SLC14A2: variants seen among roughly 807,000 people sequenced by gnomAD.
The protein encoded by SLC14A2 is urea transporter 2.
SLC14A2 carries 91 observed loss-of-function variants against 104.6 expected under a neutral mutation model. The ratio of observed to expected loss-of-function variants is 0.87; its 90% CI spans 0.73 to 1.04. SLC14A2 has a LOEUF of 1.04. Among genes scored for constraint, SLC14A2 ranks in the 50% least tolerant of loss-of-function variants. The pLI is 0.00. For missense variants in SLC14A2, 1,189 were observed against 1,156.0 expected (o/e 1.03, Z -0.41); for synonymous variants, 476 against 466.4 (o/e 1.02, Z -0.27).
chr18:45,478,105 C>T (rs186458112), intron 1 of SLC14A2, among the ~76,000 whole-genome samples: 16 of 152,204 alleles, frequency 1.1e-4, no homozygotes, highest in African/African-American at 3.4e-4. Context: ...ACCCAGGGCC[C>T]CGGTGGTGTA....
intron 1 of SLC14A2, among the ~76,000 whole-genome samples, chr18:45,228,976 T>C (rs1431048234): frequency 2.0e-5 from 3 of 152,182 alleles, no homozygotes; most frequent in Admixed American, 6.5e-5. Context: ...CTACAACCAT[T>C]GCCATCTGTC....
intron 18 of SLC14A2, 122 bp from the exon 19 acceptor site, chr18:45,678,853 T>A (rs1032272614): frequency 5.5e-6 from 5 of 906,774 alleles, no homozygotes; most frequent in South Asian, 1.9e-5. Flanking sequence ...CTCAAATTTT[T>A]AAAAAATCTT....
intron 2 of SLC14A2, among the ~76,000 whole-genome samples, chr18:45,580,154 G>A (rs2044468612): frequency 6.6e-6 from 1 of 152,206 alleles, no homozygotes; most frequent in Non-Finnish European, 1.5e-5. Context: ...CAGCAGGCAA[G>A]GTTTTGATTG....
At chr18:45,286,331 C>T (rs2084814307) in intron 1 of SLC14A2, among the ~76,000 whole-genome samples, 1 of 152,238 alleles carries the variant, frequency 6.6e-6, no homozygotes, top group African/African-American at 2.4e-5. Context: ...AATGTAGTCT[C>T]TGCCACCTTC....
chr18:45,668,400 G>A lies in SLC14A2; in HGVS notation c.1959G>A (p.Leu653=). The A allele has an allele frequency of 1.2e-6, 2 of 1,614,188 alleles. No homozygotes were observed. Among genetic ancestry groups the A allele is most frequent in the Non-Finnish European group, 1.7e-6 (2 of 1,180,020 alleles). ...GCTACAATGGGGTGCTGGTGGGGCT[G>A]CTGATGGCCGTGTTCTCAGACAAAG... is the stretch of plus-strand genomic sequence containing the variant. ...FHGYNGVLVG[L]LMAVFSDKGD... Residue 653 remains leucine, a synonymous_variant, in exon 15 of 20, where the codon CTG becomes CTA. Transcript: ENST00000255226.
intron 1 of SLC14A2, among the ~76,000 whole-genome samples, chr18:45,332,684 A>G (rs2085301846): frequency 6.6e-6 from 1 of 152,250 alleles, no homozygotes; most frequent in Non-Finnish European, 1.5e-5. Context: ...AAAAAATTGC[A>G]AAGTTGAGTC....
chr18:45,289,280 C>A (rs2084846137), intron 1 of SLC14A2, among the ~76,000 whole-genome samples: 1 of 151,878 alleles, frequency 6.6e-6, no homozygotes, highest in African/African-American at 2.4e-5. Flanking sequence ...CCCCACCAGC[C>A]CAAGGTGGGA....
At chr18:45,326,719 C>T (rs1302553588) in intron 1 of SLC14A2, among the ~76,000 whole-genome samples, 1 of 152,216 alleles carries the variant, frequency 6.6e-6, no homozygotes, top group Non-Finnish European at 1.5e-5. Context: ...CAGAGGCTGG[C>T]CTTTCCAGGC....
intron 1 of SLC14A2, among the ~76,000 whole-genome samples, chr18:45,371,514 C>T (rs2085722112): frequency 6.6e-6 from 1 of 152,154 alleles, no homozygotes; most frequent in Non-Finnish European, 1.5e-5. Context: ...ATCATTCAAT[C>T]CTTTTGCAGA....
At chr18:45,471,895 T>C (rs186019912) in intron 1 of SLC14A2, among the ~76,000 whole-genome samples, 76 of 152,294 alleles carry the variant, frequency 5.0e-4, no homozygotes, top group Non-Finnish European at 9.1e-4. Flanking sequence ...TTTTTTATTA[T>C]ACTTTAAGTT....
rs2044130306 is a variant in SLC14A2 at position 45,556,145 on chromosome 18, C to T, written c.-34-68486C>T. On this transcript the variant is annotated intron_variant, in intron 2 of 20. Coordinates refer to the SLC14A2 transcript ENST00000586448. ...GCTCATGTGGTGAAAGGGGCAAAGACACTTCCAAAGTCCCTCTCATAAGGA... is the reference window on the plus strand; with the variant it reads ...GCTCATGTGGTGAAAGGGGCAAAGATACTTCCAAAGTCCCTCTCATAAGGA... Among the ~76,000 whole-genome samples the T allele has an allele frequency of 3.3e-5, 5 of 152,176 alleles. No individual in the cohort carries two copies. In the South Asian group the frequency reaches 8.3e-4, roughly 25 times the overall value.
intron 1 of SLC14A2, among the ~76,000 whole-genome samples, chr18:45,620,904 T>C (rs2045155849): frequency 6.6e-6 from 1 of 152,234 alleles, no homozygotes; most frequent in Non-Finnish European, 1.5e-5. Context: ...TTACAGCTGA[T>C]AACATCTTAG....
intron 10 of SLC14A2, among the ~76,000 whole-genome samples, chr18:45,657,462 G>A (rs2144604937): frequency 6.7e-6 from 1 of 148,974 alleles, no homozygotes; most frequent in South Asian, 2.2e-4. Flanking sequence ...ACTCCAGTCT[G>A]GGTGACAGAG....
intron 1 of SLC14A2, among the ~76,000 whole-genome samples, chr18:45,314,270 T>G (rs140376706): frequency 2.6e-4 from 40 of 152,336 alleles, no homozygotes; most frequent in African/African-American, 8.4e-4. Context: ...ACCTTGCCCG[T>G]GTCCAAGATA....
chr18:45,545,636 T>C (rs1452777302), intron 2 of SLC14A2, among the ~76,000 whole-genome samples: 1 of 152,136 alleles, frequency 6.6e-6, no homozygotes, highest in African/African-American at 2.4e-5. Flanking sequence ...GCAGCTTGAG[T>C]GAGCTCAGCA....
At chr18:45,436,745 G>T (rs1315777860) in intron 1 of SLC14A2, 2 of 152,060 alleles carry the variant, frequency 1.3e-5, no homozygotes, top group Non-Finnish European at 2.9e-5. Context: ...GATAGCTTCA[G>T]TAATTGGATA....
chr18:45,587,345 AACAC>A (rs2144376262), intron 2 of SLC14A2, among the ~76,000 whole-genome samples: 1 of 152,356 alleles, frequency 6.6e-6, no homozygotes, highest in South Asian at 2.1e-4. Context: ...GCAAGGTGCC[AACAC>A]ACAATCAGTT....
chr18:45,359,136 G>A (rs1598718081), intron 1 of SLC14A2, among the ~76,000 whole-genome samples: 1 of 152,162 alleles, frequency 6.6e-6, no homozygotes, highest in African/African-American at 2.4e-5. Context: ...TGCCTTAAAG[G>A]TGATGCTGAC....
intron 1 of SLC14A2, among the ~76,000 whole-genome samples, chr18:45,293,393 T>G (rs1002926502): frequency 1.3e-5 from 2 of 152,138 alleles, no homozygotes; most frequent in African/African-American, 2.4e-5. Flanking sequence ...CTTGTCTTCA[T>G]GAAGTTCAAT....
Sources: allele counts gnomAD v4.1 joint callset (sites outside exome capture counted in the v4.1 genomes callset), GRCh38; gene constraint gnomAD v4.1.1; transcripts MANE v1.5; gene names NCBI Gene and HGNC (gene_info 2026-07-23, HGNC 2026-07-21).